NABP1: variants seen among roughly 807,000 people sequenced by gnomAD.
NABP1 encodes SOSS complex subunit B2.
NABP1 carries 18 observed loss-of-function variants against 25.0 expected under a neutral mutation model. The ratio of observed to expected loss-of-function variants is 0.72; its 90% confidence interval spans 0.50 to 1.07. The LOEUF is 1.07. Among genes scored for constraint, NABP1 ranks in the 50% least tolerant of loss-of-function variants. NABP1 has a pLI of 0.00. For synonymous variants in NABP1, 71 were observed against 85.0 expected (o/e 0.84, Z 0.91); for missense variants, 270 against 255.6 (o/e 1.06, Z -0.39).
At position 191,683,840 on chromosome 2, in the gene NABP1, T is replaced by A; in HGVS notation, c.378+36T>A. 1 of 1,466,670 alleles carries A rather than the reference T, an allele frequency of 6.8e-7. No individual in the cohort carries two copies. Among genetic ancestry groups the A allele is most frequent in the Non-Finnish European group, 9.4e-7 (1 of 1,060,270 alleles). 90.9% of individuals were successfully genotyped at this position (1,466,670 alleles called of 1,614,324 possible). A position where few individuals can be genotyped will look rare whatever the true frequency, so the allele number is the denominator to read the frequency against. ...AGTATACTTTTATGATTAGGCTAAT[T>A]TTGACTGTGTTATAATTCTATGATT... On this transcript the variant is annotated intron_variant, in intron 4 of 5. Coordinates refer to ENST00000425611, the MANE Select transcript of NABP1 (RefSeq NM_001031716.5). The surrounding 1 kb of genome is among the most constrained non-coding windows in gnomAD (Gnocchi z 4.1).
chr2:191,678,567 C>G lies in NABP1; in HGVS notation c.-48C>G. On this transcript the variant is annotated 5_prime_UTR_variant, in exon 1 of 6. Transcript: ENST00000425611. ...CCGGGAGGGTGGGAAGCTTTGACCC[C>G]GCCCTGCCCACTCGCGTCTCCGCAG... The G allele has an allele frequency of 7.0e-7, 1 of 1,427,806 alleles. No homozygotes were observed. The highest frequency in any genetic ancestry group is 9.8e-7 in the Non-Finnish European group (1 of 1,024,510). 88.4% of individuals were successfully genotyped at this position (1,427,806 alleles called of 1,614,324 possible). A position where few individuals can be genotyped will look rare whatever the true frequency, so the allele number is the denominator to read the frequency against.
In NABP1 at chr2:191,683,099, G is replaced by C. The variant is rs753792694; in HGVS notation, c.303-630G>C. 1 of 157,256 alleles carries C rather than the reference G, an allele frequency of 6.4e-6. No individual in the cohort carries two copies. Among genetic ancestry groups the C allele is most frequent in the Non-Finnish European group, 1.4e-5 (1 of 71,318 alleles). 9.7% of individuals were successfully genotyped at this position (157,256 alleles called of 1,614,324 possible). A position where few individuals can be genotyped will look rare whatever the true frequency, so the allele number is the denominator to read the frequency against. ...TGACTGCTCTTTGTCAGGGTCAGTC[G>C]AGGATTTACCAAAACTGGTTCTGAT... On this transcript the variant is annotated intron_variant, in intron 3 of 5. Transcript: ENST00000425611. This position sits in a 1 kb window ranked among gnomAD's most constrained non-coding sequence, Gnocchi z 4.1.
rs752536045 is a variant in NABP1, at chr2:191,683,779, A to G, written c.353A>G (p.Asp118Gly). ...CCAAATTTCAGTGAACCCAACCCAG[A>G]TTATCGAGGACAGCAGAACAAAGGG... ...EVPNFSEPNP[D>G]YRGQQNKGAQ... Residue 118 changes from aspartate to glycine, a missense_variant, in exon 4 of 6, where the codon GAT becomes GGT. Physicochemically the swap from Asp to Gly is moderately conservative, Grantham distance 94. Coordinates refer to ENST00000425611, the MANE Select transcript of NABP1 (RefSeq NM_001031716.5). This position sits in a 1 kb window ranked among gnomAD's most constrained non-coding sequence, Gnocchi z 4.1. The G allele has an allele frequency of 6.2e-7, 1 of 1,609,268 alleles. No individual in the cohort carries two copies. The highest frequency in any genetic ancestry group is 8.5e-7 in the Non-Finnish European group (1 of 1,178,816).
chr2:191,684,191 T>G (rs1242862153), intron 4 of NABP1, 39 bp from the exon 5 acceptor site: 1 of 1,294,434 alleles, frequency 7.7e-7, no homozygotes, highest in Non-Finnish European at 1.1e-6. Flanking sequence ...ATAATTGTGT[T>G]TTTATTCTCG....
At chr2:191,679,669 G>T (rs540983984) in intron 2 of NABP1, among the ~76,000 whole-genome samples, 1 of 152,296 alleles carries the variant, frequency 6.6e-6, no homozygotes, top group East Asian at 1.9e-4. Flanking sequence ...GAGCCACCAC[G>T]CCCGGCATAG....
chr2:191,682,425 G>A, intron 3 of NABP1: 3 of 448,290 alleles, frequency 6.7e-6, no homozygotes, highest in South Asian at 4.9e-5. Flanking sequence ...ATGGTTATGG[G>A]TGAATATGTA....
At position 191,679,137 on chromosome 2, in the gene NABP1, G is replaced by C. The variant is rs1040554622; in HGVS notation, c.230+9G>C. On this transcript the variant is annotated intron_variant, in intron 2 of 5. Transcript: ENST00000425611. ...ATTCGGTTGACCAGAGGGTAGGTGT[G>C]CAAAAAAGTCGGGGGACCTAACAGT... 3 of 1,613,786 alleles carry C rather than the reference G, an allele frequency of 1.9e-6. No individual in the cohort carries two copies. Among genetic ancestry groups the C allele is most frequent in the African/African-American group, 2.7e-5 (2 of 74,888 alleles).
intron 2 of NABP1, among the ~76,000 whole-genome samples, 194 bp downstream of exon 2, chr2:191,679,322 C>G (rs910204977): frequency 6.6e-6 from 1 of 152,108 alleles, no homozygotes; most frequent in African/African-American, 2.4e-5. Flanking sequence ...GAAAGGCAGT[C>G]GGTTTCAGCT....
rs759402670 is a variant in NABP1, at chr2:191,678,653, T to G, written c.39T>G (p.Asp13Glu). ...RVNDPLIFIR[D>E]IKPGLKNLNV... ...ACGACCCACTTATTTTTATAAGAGA[T>G]ATTAAGCCCGGACTGAAAAACTTAA... The change falls in exon 1 of 6, where the codon GAT becomes GAG. Residue 13 changes from aspartate to glutamate, a missense_variant. Asp to Glu is a conservative substitution (Grantham distance 45). Coordinates refer to ENST00000425611, the MANE Select transcript of NABP1 (RefSeq NM_001031716.5). 1.9e-6 allele frequency: 3 copies of G among 1,613,796 alleles called. No individual in the cohort carries two copies. Among genetic ancestry groups the G allele is most frequent in the Non-Finnish European group, 2.5e-6 (3 of 1,179,892 alleles).
intron 2 of NABP1, among the ~76,000 whole-genome samples, chr2:191,679,928 A>G (rs1558985548): frequency 6.6e-6 from 1 of 152,172 alleles, no homozygotes; most frequent in South Asian, 2.1e-4. Flanking sequence ...ACTTGGAAAA[A>G]GAGGGAAACT....
rs561785132 is a variant in NABP1 at position 191,681,354 on chromosome 2, C to T, written c.231-592C>T. Among the ~76,000 whole-genome samples, 12 of 152,106 alleles carry T rather than the reference C, an allele frequency of 7.9e-5. No homozygotes were observed. The East Asian group carries it at 1.5e-3, about 20-fold the overall frequency. ...GATGCTGTCTGCTTTCAAAATTGTTCGGAGTAAACATTTGCCAGTTTGTTT... is the reference window on the plus strand; with the variant it reads ...GATGCTGTCTGCTTTCAAAATTGTTTGGAGTAAACATTTGCCAGTTTGTTT... On this transcript the variant is annotated intron_variant, in intron 2 of 5. Coordinates refer to ENST00000425611, the MANE Select transcript of NABP1 (RefSeq NM_001031716.5).
chr2:191,685,043 G>A (rs1269314576), intron 5 of NABP1: 1 of 152,160 alleles, frequency 6.6e-6, no homozygotes, highest in Admixed American at 6.6e-5. Flanking sequence ...AATAGAGATG[G>A]GATTTCACCA....
Sources: allele counts gnomAD v4.1 joint callset (sites outside exome capture counted in the v4.1 genomes callset), GRCh38; gene constraint gnomAD v4.1.1; non-coding constraint Gnocchi (gnomAD v3.1); transcripts MANE v1.5; gene names NCBI Gene and HGNC (gene_info 2026-07-23, HGNC 2026-07-21).